The following MYH10 variants were observed in gnomAD, a reference collection of about 807,000 sequenced individuals.
The protein encoded by MYH10 is myosin-10.
MYH10 carries 55 observed loss-of-function variants against 257.8 expected under a neutral mutation model. The observed-to-expected ratio is 0.21, with a 90% confidence interval of 0.17 to 0.27. MYH10 has a LOEUF of 0.27. Among genes scored for constraint, MYH10 ranks in the 10% least tolerant of loss-of-function variants. The probability of loss-of-function intolerance (pLI) is 1.00; values close to 1 mark genes in which losing one functional copy is unlikely to be tolerated. For missense variants in MYH10, 1,631 were observed against 2,500.6 expected (o/e 0.65, Z 7.42); for synonymous variants, 854 against 921.7 (o/e 0.93, Z 1.33).
chr17:8,509,155 A>G (rs1405354155), intron 25 of MYH10, among the ~76,000 whole-genome samples: 2 of 152,120 alleles, frequency 1.3e-5, no homozygotes, highest in African/African-American at 2.4e-5. Flanking sequence ...CTTTTCTATC[A>G]TATTTTTACT....
intron 14 of MYH10, among the ~76,000 whole-genome samples, chr17:8,538,178 G>C (rs1209536088): frequency 6.6e-6 from 1 of 152,170 alleles, no homozygotes; most frequent in African/African-American, 2.4e-5. Context: ...CTCTCATGGG[G>C]TTTACAAAAT....
intron 7 of MYH10, among the ~76,000 whole-genome samples, chr17:8,564,404 CAT>C (rs1473304415): frequency 6.6e-6 from 1 of 152,208 alleles, no homozygotes; most frequent in Non-Finnish European, 1.5e-5. Flanking sequence ...CTTGGTATGA[CAT>C]TGATCTCAAC....
At position 8,487,556 on chromosome 17, in the gene MYH10, T is replaced by C. The variant is rs1915068072; in HGVS notation, c.4923A>G (p.Lys1641=). ...ELEAELEDER[K]QRALAVASKK... is the part of the protein sequence containing the mutation. ...TTGAAGCTACAGCAAGCGCCCGCTG[T>C]TTCCTCTCATCCTCCAGCTCCGCCT... The change falls in exon 36 of 43, where the codon AAA becomes AAG. Residue 1641 remains lysine, a synonymous_variant. Coordinates refer to ENST00000360416, the MANE Select transcript of MYH10 (RefSeq NM_001256012.3). 1.2e-6 allele frequency: 2 copies of C among 1,614,182 alleles called. No individual in the cohort carries two copies. The highest frequency in any genetic ancestry group is 2.7e-5 in the African/African-American group (2 of 75,042).
At chr17:8,626,626 TA>T (rs1032677034) in intron 1 of MYH10, among the ~76,000 whole-genome samples, 18 of 145,002 alleles carry the variant, frequency 1.2e-4, no homozygotes, top group African/African-American at 3.0e-4. Context: ...ATAAAAAATT[TA>T]AAAAAAAAGA....
At chr17:8,563,285 T>C (rs2083056068) in intron 7 of MYH10, among the ~76,000 whole-genome samples, 1 of 152,340 alleles carries the variant, frequency 6.6e-6, no homozygotes, top group African/African-American at 2.4e-5. Flanking sequence ...AGTTTTCACA[T>C]GCACTAAGTG....
At chr17:8,537,252 T>C (rs148043176) in intron 14 of MYH10, among the ~76,000 whole-genome samples, 1 of 152,344 alleles carries the variant, frequency 6.6e-6, no homozygotes, top group Non-Finnish European at 1.5e-5. Context: ...AAATCAGCTG[T>C]TTGAGTAAGA....
intron 7 of MYH10, among the ~76,000 whole-genome samples, chr17:8,556,554 GC>G (rs1185450417): frequency 1.3e-5 from 2 of 152,212 alleles, no homozygotes; most frequent in African/African-American, 2.4e-5. Flanking sequence ...TACTTGACAT[GC>G]CAGACGTTAC....
At chr17:8,528,247 C>G (rs1364433374) in intron 17 of MYH10, among the ~76,000 whole-genome samples, 1 of 152,188 alleles carries the variant, frequency 6.6e-6, no homozygotes, top group Admixed American at 6.5e-5. Flanking sequence ...TGCTTTGGAT[C>G]AGGTCTAAAG....
intron 7 of MYH10, among the ~76,000 whole-genome samples, chr17:8,563,727 T>G (rs762954681): frequency 1.3e-5 from 2 of 152,112 alleles, no homozygotes; most frequent in Non-Finnish European, 2.9e-5. Flanking sequence ...TTTTGATAAA[T>G]AGATATGAGG....
chr17:8,515,864 T>C (rs2081452368), intron 21 of MYH10, among the ~76,000 whole-genome samples: 1 of 152,118 alleles, frequency 6.6e-6, no homozygotes, highest in African/African-American at 2.4e-5. Flanking sequence ...AAGTCTTAAT[T>C]CCAAGAGTTT....
chr17:8,491,335 A>C (rs1052658738), intron 34 of MYH10, among the ~76,000 whole-genome samples: 18 of 152,330 alleles, frequency 1.2e-4, no homozygotes, highest in African/African-American at 3.4e-4. Flanking sequence ...ACGAACATGA[A>C]ATCAACTGTA....
intron 1 of MYH10, among the ~76,000 whole-genome samples, chr17:8,629,377 G>A (rs1348500398): frequency 3.2e-5 from 1 of 31,510 alleles, no homozygotes; most frequent in African/African-American, 1.3e-4. Flanking sequence ...ATCCACCGCA[G>A]TGATCTTGAA....
chr17:8,489,745 A>ACACACACACCCC (rs1258993754), intron 35 of MYH10, among the ~76,000 whole-genome samples: 11 of 150,698 alleles, frequency 7.3e-5, no homozygotes, highest in African/African-American at 2.7e-4. Context: ...ACACACACAC[A>ACACACACACCCC]CCCCAAATCC....
chr17:8,487,293 A>T, intron 36 of MYH10, 140 bp downstream of exon 36: 1 of 929,300 alleles, frequency 1.1e-6, no homozygotes, highest in Non-Finnish European at 1.7e-6. Context: ...ACACACAAGC[A>T]CTCTCTTTAT....
chr17:8,490,967 A>G lies in MYH10; in HGVS notation c.4672-415T>C, dbSNP rs544871046. Among the ~76,000 whole-genome samples, 25 of 152,366 alleles carry G rather than the reference A, an allele frequency of 1.6e-4. No homozygotes were observed. Among genetic ancestry groups the G allele is most frequent in the African/African-American group, 5.8e-4 (24 of 41,586 alleles). On this transcript the variant is annotated intron_variant, in intron 34 of 42. Transcript: ENST00000360416. This position sits in a 1 kb window ranked among gnomAD's most constrained non-coding sequence, Gnocchi z 4.1. ...GAGAAGATCATTCGTATTGAAAAGC[A>G]CATGTGGAAACTGCTGATTATTAGG...
chr17:8,515,018 CTGCGCTCCCA>C (rs1173595816), intron 21 of MYH10, among the ~76,000 whole-genome samples: 1 of 152,176 alleles, frequency 6.6e-6, no homozygotes, highest in African/African-American at 2.4e-5. Flanking sequence ...ACTCACACGG[CTGCGCTCCCA>C]CCTAGACTCT....
At chr17:8,509,726 G>C (rs1049660834) in intron 25 of MYH10, 86 bp downstream of exon 25, 48 of 1,270,440 alleles carry the variant, frequency 3.8e-5, no homozygotes, top group African/African-American at 4.7e-5. Context: ...TTCTGTTTGA[G>C]TTCACTTTCA....
chr17:8,486,020 G>C (rs912094016), intron 36 of MYH10, among the ~76,000 whole-genome samples: 6 of 152,232 alleles, frequency 3.9e-5, no homozygotes, highest in Non-Finnish European at 8.8e-5. Context: ...ACTTGTTCAT[G>C]TGGCTACATG....
Position 8,622,185 on chromosome 17 carries a change from C to G in MYH10, c.345+717G>C, listed in dbSNP as rs537368824. Among the ~76,000 whole-genome samples, 3 of 152,314 alleles carry G rather than the reference C, an allele frequency of 2.0e-5. No individual in the cohort carries two copies. The South Asian group carries it at 6.2e-4, about 32-fold the overall frequency. ...CCCACACGTGCCACCTTCTTCAAATCATTGCCACCTCTGTCTACCATTCCC... is the reference window on the plus strand; with the variant it reads ...CCCACACGTGCCACCTTCTTCAAATGATTGCCACCTCTGTCTACCATTCCC... On this transcript the variant is annotated intron_variant, in intron 2 of 42. Transcript: ENST00000360416.
Sources: allele counts gnomAD v4.1 joint callset (sites outside exome capture counted in the v4.1 genomes callset), GRCh38; gene constraint gnomAD v4.1.1; non-coding constraint Gnocchi (gnomAD v3.1); transcripts MANE v1.5; gene names NCBI Gene and HGNC (gene_info 2026-07-23, HGNC 2026-07-21).